Variants in CDC14A observed in about 807,000 individuals in gnomAD.
CDC14A encodes the protein dual specificity protein phosphatase CDC14A.
In CDC14A, 53 loss-of-function variants were observed where a neutral mutation model predicts 74.4. That is an observed-to-expected ratio of 0.71 (90% CI 0.57 to 0.89). The LOEUF (loss-of-function observed/expected upper bound fraction) is 0.89, where lower values mean the gene tolerates loss of function less well. Among genes scored for constraint, CDC14A ranks in the 40% least tolerant of loss-of-function variants. CDC14A has a pLI of 0.00. For missense variants in CDC14A, 646 were observed against 713.7 expected, an observed-to-expected ratio of 0.91 and a Z score of 1.08; for synonymous variants, 247 against 258.4, an observed-to-expected ratio of 0.96 and a Z score of 0.43.
intron 11 of CDC14A, among the ~76,000 whole-genome samples, chr1:100,490,336 A>C (rs1670486427): frequency 6.6e-6 from 1 of 152,140 alleles, no homozygotes. Context: ...TTGAGTTTGA[A>C]GGCTATTTAT....
chr1:100,485,127 A>G, intron 11 of CDC14A: 4 of 985,302 alleles, frequency 4.1e-6, no homozygotes, highest in Non-Finnish European at 4.8e-6. Flanking sequence ...ATTTACTAAG[A>G]ATTAGGATTA....
chr1:100,433,425 G>C (rs1175284609), intron 5 of CDC14A, among the ~76,000 whole-genome samples: 1 of 152,040 alleles, frequency 6.6e-6, no homozygotes, highest in Non-Finnish European at 1.5e-5. Context: ...TGCTTATAAG[G>C]GTTCTTAGAT....
chr1:100,412,710 A>ATATTTATATATATATATATATATATT (rs1553178943), intron 4 of CDC14A, among the ~76,000 whole-genome samples: 1 of 96,048 alleles, frequency 1.0e-5, no homozygotes, highest in African/African-American at 7.3e-5. Flanking sequence ...ATATATATAT[A>ATATTTATATATATATATATATATATT]TATATATATA....
chr1:100,444,510 C>T (rs950550208), intron 7 of CDC14A, among the ~76,000 whole-genome samples: 1 of 152,180 alleles, frequency 6.6e-6, no homozygotes, highest in Non-Finnish European at 1.5e-5. Flanking sequence ...CCCTTCTAGC[C>T]CCATCTCCTG....
intron 3 of CDC14A, among the ~76,000 whole-genome samples, chr1:100,385,170 A>G (rs1656669218): frequency 6.6e-6 from 1 of 152,206 alleles, no homozygotes; most frequent in Non-Finnish European, 1.5e-5. Context: ...GACCAGATGG[A>G]CAGTGTTTTA....
At chr1:100,484,899 G>A (rs531976853) in intron 11 of CDC14A, 2 of 979,046 alleles carry the variant, frequency 2.0e-6, no homozygotes, top group African/African-American at 3.5e-5. Flanking sequence ...AGGCTCTACT[G>A]TAAACAAACC....
chr1:100,499,491 T>G, intron 15 of CDC14A: 1 of 1,388,556 alleles, frequency 7.2e-7, no homozygotes. Context: ...CTTTTTCTTC[T>G]TACCCCCAAC....
At chr1:100,425,058 C>T (rs1662794559) in intron 5 of CDC14A, among the ~76,000 whole-genome samples, 1 of 152,102 alleles carries the variant, frequency 6.6e-6, no homozygotes, top group Non-Finnish European at 1.5e-5. Flanking sequence ...GTCCCAGCTA[C>T]TTGAGAGGCT....
chr1:100,391,065 A>G (rs1314804355), intron 4 of CDC14A: 1 of 509,642 alleles, frequency 2.0e-6, no homozygotes, highest in African/African-American at 1.9e-5. Context: ...TGAATTCCAC[A>G]GTTATATAGG....
At chr1:100,423,130 C>T (rs527543199) in intron 4 of CDC14A, among the ~76,000 whole-genome samples, 1 of 152,340 alleles carries the variant, frequency 6.6e-6, no homozygotes, top group East Asian at 1.9e-4. Flanking sequence ...AAATTGAGCT[C>T]TCCCAGTGGT....
intron 4 of CDC14A, among the ~76,000 whole-genome samples, chr1:100,398,044 A>G (rs551458174): frequency 4.1e-4 from 62 of 152,172 alleles, no homozygotes; most frequent in Non-Finnish European, 7.2e-4. Context: ...TTTGAATCCA[A>G]TTGTTAGTTG....
chr1:100,373,153 A>C (rs926012416), intron 2 of CDC14A, among the ~76,000 whole-genome samples: 1 of 152,160 alleles, frequency 6.6e-6, no homozygotes, highest in South Asian at 2.1e-4. Context: ...TTTAAAGTGA[A>C]CCATGTGTGA....
At chr1:100,445,153 A>G (rs564280983) in intron 7 of CDC14A, among the ~76,000 whole-genome samples, 1 of 152,228 alleles carries the variant, frequency 6.6e-6, no homozygotes, top group Non-Finnish European at 1.5e-5. Context: ...TGTTTGTTGA[A>G]GAGAAAGGAT....
chr1:100,467,868 G>A, intron 9 of CDC14A, 88 bp from the exon 10 acceptor site: 1 of 1,261,678 alleles, frequency 7.9e-7, no homozygotes, highest in Non-Finnish European at 1.1e-6. Flanking sequence ...TGAATGCAGA[G>A]CAGTTTCTGG....
intron 11 of CDC14A, among the ~76,000 whole-genome samples, chr1:100,491,572 ATTTTTTTTTTT>A (rs59429516): frequency 1.6e-4 from 4 of 25,106 alleles, no homozygotes; most frequent in East Asian, 2.1e-3. Flanking sequence ...ATATATATAT[ATTTTTTTTTTT>A]TTTTTTTTTT....
chr1:100,383,908 G>C (rs1305533114), intron 3 of CDC14A, among the ~76,000 whole-genome samples: 1 of 143,978 alleles, frequency 6.9e-6, no homozygotes, highest in Non-Finnish European at 1.5e-5. Flanking sequence ...TTTTTTTTTG[G>C]CTTTGGCTTT....
chr1:100,389,748 A>G (rs112814253), intron 3 of CDC14A, among the ~76,000 whole-genome samples: 16 of 152,282 alleles, frequency 1.1e-4, no homozygotes, highest in Non-Finnish European at 2.2e-4. Flanking sequence ...AATGTATAAG[A>G]TAGAAAAAGC....
intron 3 of CDC14A, among the ~76,000 whole-genome samples, chr1:100,380,286 A>C (rs943066221): frequency 6.6e-6 from 1 of 152,182 alleles, no homozygotes; most frequent in African/African-American, 2.4e-5. Flanking sequence ...TGACTTGCCC[A>C]GTGCAGCAGG....
intron 4 of CDC14A, among the ~76,000 whole-genome samples, chr1:100,401,063 T>A (rs1659197117): frequency 6.6e-6 from 1 of 152,202 alleles, no homozygotes; most frequent in Non-Finnish European, 1.5e-5. Context: ...ATCTTATCAG[T>A]AGCTTTGGAA....
Sources: allele counts gnomAD v4.1 joint callset (sites outside exome capture counted in the v4.1 genomes callset), GRCh38; gene constraint gnomAD v4.1.1; transcripts MANE v1.5; gene names NCBI Gene and HGNC (gene_info 2026-07-23, HGNC 2026-07-21).